Variants in CSGALNACT1 observed in about 807,000 individuals in gnomAD.
CSGALNACT1 encodes chondroitin sulfate N-acetylgalactosaminyltransferase 1.
CSGALNACT1 carries 52 observed loss-of-function variants against 51.0 expected under a neutral mutation model. The observed-to-expected ratio is 1.02, with a 90% CI of 0.82 to 1.29. The LOEUF (loss-of-function observed/expected upper bound fraction) is 1.29. Among genes scored for constraint, CSGALNACT1 ranks in the 50% most tolerant of loss-of-function variants. The pLI, the probability that CSGALNACT1 is intolerant of heterozygous loss-of-function variation, is 0.00. For missense variants in CSGALNACT1, 935 were observed against 679.2 expected (o/e 1.38, Z -4.19); for synonymous variants, 341 against 254.4 (o/e 1.34, Z -3.24).
intron 1 of CSGALNACT1, among the ~76,000 whole-genome samples, chr8:19,655,877 T>C (rs962012706): frequency 6.6e-6 from 1 of 152,156 alleles, no homozygotes; most frequent in Non-Finnish European, 1.5e-5. Flanking sequence ...TTAAAAATAA[T>C]AACAAAAGGT....
chr8:19,412,799 A>G (rs2056111187), intron 8 of CSGALNACT1, among the ~76,000 whole-genome samples: 1 of 152,018 alleles, frequency 6.6e-6, no homozygotes, highest in South Asian at 2.1e-4. Flanking sequence ...TCCCTGAGCT[A>G]TGAGGACGTC....
At chr8:19,689,745 T>A (rs989935023) in intron 1 of CSGALNACT1, among the ~76,000 whole-genome samples, 2 of 152,272 alleles carry the variant, frequency 1.3e-5, no homozygotes, top group African/African-American at 4.8e-5. Context: ...AACTAAGCTA[T>A]TTATCTGACC....
chr8:19,505,169 TCTC>T (rs2077065158), intron 4 of CSGALNACT1, 29 bp downstream of exon 3: 1 of 1,613,586 alleles, frequency 6.2e-7, no homozygotes, highest in African/African-American at 1.3e-5. Context: ...TTCCTTTTCT[TCTC>T]CTTTCCCCCC....
chr8:19,554,350 G>T (rs773416314), intron 3 of CSGALNACT1, among the ~76,000 whole-genome samples: 1 of 152,106 alleles, frequency 6.6e-6, no homozygotes, highest in Non-Finnish European at 1.5e-5. Flanking sequence ...TTGGTACCTG[G>T]AGAGTCAGGT....
chr8:19,537,910 C>T (rs1023912786), intron 3 of CSGALNACT1, among the ~76,000 whole-genome samples: 8 of 152,168 alleles, frequency 5.3e-5, no homozygotes, highest in African/African-American at 1.9e-4. Flanking sequence ...TCATTAAAAA[C>T]TTTTGCTCTG....
chr8:19,426,117 C>T lies in CSGALNACT1; in HGVS notation c.954-5599G>A, dbSNP rs146500119. The stretch of plus-strand genomic sequence containing the variant: ...AGATTATCCAGCACTGTGCAGTAAA[C>T]GGCACACACGGGGTGACCAATATCC... On this transcript the variant is annotated intron_variant, in intron 6 of 9. Coordinates refer to ENST00000454498, the Ensembl canonical transcript of CSGALNACT1. 1.2e-3 allele frequency among the ~76,000 whole-genome samples: 188 copies of T among 152,254 alleles called. 2 individuals are homozygous for T. The South Asian group carries it at 0.026, about 21-fold the overall frequency.
chr8:19,460,722 G>T (rs1331166271), intron 4 of CSGALNACT1, among the ~76,000 whole-genome samples: 1 of 152,062 alleles, frequency 6.6e-6, no homozygotes, highest in African/African-American at 2.4e-5. Context: ...AGTTTCTCAA[G>T]GTCTCTCACA....
At chr8:19,568,263 G>C (rs1211746074) in intron 3 of CSGALNACT1, among the ~76,000 whole-genome samples, 1 of 152,140 alleles carries the variant, frequency 6.6e-6, no homozygotes, top group African/African-American at 2.4e-5. Context: ...ATTGCTCCTA[G>C]GCTGTAAACC....
At chr8:19,509,815 G>T (rs1267969970) in intron 3 of CSGALNACT1, among the ~76,000 whole-genome samples, 1 of 152,100 alleles carries the variant, frequency 6.6e-6, no homozygotes, top group African/African-American at 2.4e-5. Flanking sequence ...CAGATGGAAA[G>T]CAACGTGTAA....
rs114004591 is a variant in CSGALNACT1 at position 19,492,038 on chromosome 8, T to G, written c.634+13163A>C. Reference sequence around the variant, plus strand: ...ATTGACCATAAACATATTCATAACTTAAGTAGGTTCAGCCATGAACTTGAA... The same window carrying G: ...ATTGACCATAAACATATTCATAACTGAAGTAGGTTCAGCCATGAACTTGAA... On this transcript the variant is annotated intron_variant, in intron 4 of 9. Transcript: ENST00000454498. Among the ~76,000 whole-genome samples, 845 of 152,356 alleles carry G rather than the reference T, an allele frequency of 5.5e-3. 8 individuals carry two copies. Among genetic ancestry groups the G allele is most frequent in the African/African-American group, 0.019 (793 of 41,580 alleles).
chr8:19,584,425 G>A (rs944304811), intron 3 of CSGALNACT1, among the ~76,000 whole-genome samples: 1 of 152,088 alleles, frequency 6.6e-6, no homozygotes, highest in Non-Finnish European at 1.5e-5. Context: ...GACTTAGCTT[G>A]GAATTTGAAT....
intron 4 of CSGALNACT1, among the ~76,000 whole-genome samples, chr8:19,475,597 C>T (rs183978345): frequency 6.2e-4 from 95 of 152,220 alleles, no homozygotes; most frequent in African/African-American, 2.2e-3. Flanking sequence ...CACTGATCAC[C>T]AAGGGAAGAT....
At chr8:19,619,657 G>C (rs1160721262) in intron 1 of CSGALNACT1, among the ~76,000 whole-genome samples, 1 of 152,152 alleles carries the variant, frequency 6.6e-6, no homozygotes, top group Admixed American at 6.5e-5. Flanking sequence ...ACGAAGGAGT[G>C]TTTCCAAAAT....
chr8:19,417,709 G>C (rs946724292), intron 8 of CSGALNACT1, among the ~76,000 whole-genome samples: 3 of 152,198 alleles, frequency 2.0e-5, no homozygotes, highest in Non-Finnish European at 2.9e-5. Flanking sequence ...ACGTCCCTCA[G>C]ATGGGAAGGC....
intron 1 of CSGALNACT1, among the ~76,000 whole-genome samples, chr8:19,744,076 C>T (rs1024298442): frequency 1.3e-5 from 2 of 151,982 alleles, no homozygotes. Context: ...AGACTTCACA[C>T]GAGAAAAAAA....
chr8:19,600,739 T>G (rs1233904830), intron 2 of CSGALNACT1, among the ~76,000 whole-genome samples: 2 of 152,098 alleles, frequency 1.3e-5, no homozygotes, highest in Non-Finnish European at 2.9e-5. Context: ...CACCCTCATT[T>G]AAGTACAGGG....
exon 10 of CSGALNACT1, chr8:19,405,691 C>T: frequency 6.5e-7 from 1 of 1,535,214 alleles, no homozygotes; most frequent in African/African-American, 1.4e-5. Context: ...CTTTTGTCGT[C>T]CTTTATGGAA....
intron 1 of CSGALNACT1, among the ~76,000 whole-genome samples, chr8:19,634,699 T>C (rs754730982): frequency 2.6e-5 from 4 of 152,126 alleles, no homozygotes; most frequent in Admixed American, 6.5e-5. Flanking sequence ...CAGAGCTTGC[T>C]TTCTCTTTCA....
At chr8:19,606,215 C>T (rs1212252503), upstream of CSGALNACT1, among the ~76,000 whole-genome samples, 1 of 152,146 alleles carries the variant, frequency 6.6e-6, no homozygotes, top group African/African-American at 2.4e-5. Context: ...ACTAGAAGTT[C>T]CCAGTGAGAT....
Sources: allele counts gnomAD v4.1 joint callset (sites outside exome capture counted in the v4.1 genomes callset), GRCh38; gene constraint gnomAD v4.1.1; transcripts MANE v1.5; gene names NCBI Gene and HGNC (gene_info 2026-07-23, HGNC 2026-07-21).